GPM6A: variants seen among roughly 807,000 people sequenced by gnomAD.
GPM6A encodes glycoprotein M6A.
In GPM6A, 7 loss-of-function variants were observed where a neutral mutation model predicts 32.1. The observed-to-expected ratio is 0.22, with a 90% CI of 0.12 to 0.41. The LOEUF (loss-of-function observed/expected upper bound fraction) is 0.41, where lower values mean the gene tolerates loss of function less well. Among genes scored for constraint, GPM6A ranks in the 10% least tolerant of loss-of-function variants. The pLI, the probability that GPM6A is intolerant of heterozygous loss-of-function variation, is 1.00. For synonymous variants in GPM6A, 130 were observed against 123.4 expected (o/e 1.05, Z -0.35); for missense variants, 235 against 347.2 (o/e 0.68, Z 2.57).
At chr4:175,931,671 T>C (rs1219188254) in intron 1 of GPM6A, among the ~76,000 whole-genome samples, 1 of 136,592 alleles carries the variant, frequency 7.3e-6, no homozygotes, top group African/African-American at 2.9e-5. Context: ...TTAAAAAATA[T>C]ACACACACAC....
At chr4:175,670,261 T>A (rs1742980919) in intron 3 of GPM6A, among the ~76,000 whole-genome samples, 1 of 152,306 alleles carries the variant, frequency 6.6e-6, no homozygotes, top group East Asian at 1.9e-4. Context: ...TTCGAAAGTG[T>A]TGCATTTAAA....
chr4:175,872,451 TGTGG>T (rs1260430792), intron 1 of GPM6A, among the ~76,000 whole-genome samples: 1 of 152,204 alleles, frequency 6.6e-6, no homozygotes, highest in African/African-American at 2.4e-5. Flanking sequence ...ATTCCTATAA[TGTGG>T]GTATGATGAG....
At chr4:175,969,756 C>G (rs1190278266) in intron 1 of GPM6A, among the ~76,000 whole-genome samples, 2 of 152,106 alleles carry the variant, frequency 1.3e-5, no homozygotes, top group Non-Finnish European at 2.9e-5. Flanking sequence ...ATTGACTGAT[C>G]AGTTACAACA....
intron 1 of GPM6A, among the ~76,000 whole-genome samples, chr4:175,703,870 A>G (rs1745015384): frequency 6.6e-6 from 1 of 152,018 alleles, no homozygotes; most frequent in African/African-American, 2.4e-5. Context: ...AGATACACAC[A>G]CATATCCTCA....
intron 3 of GPM6A, among the ~76,000 whole-genome samples, chr4:175,663,272 G>A (rs1441136252): frequency 2.0e-5 from 3 of 152,140 alleles, no homozygotes; most frequent in Admixed American, 6.5e-5. Flanking sequence ...GCTAACTGCC[G>A]AAACTTGGAA....
chr4:175,956,756 A>G (rs1046521996), intron 1 of GPM6A, among the ~76,000 whole-genome samples: 17 of 152,218 alleles, frequency 1.1e-4, no homozygotes, highest in Non-Finnish European at 1.8e-4. Flanking sequence ...ATGTCCCTGA[A>G]CAATTTAATG....
intron 1 of GPM6A, among the ~76,000 whole-genome samples, chr4:175,877,563 C>A (rs983994399): frequency 5.3e-5 from 8 of 152,028 alleles, no homozygotes; most frequent in Non-Finnish European, 5.9e-5. Flanking sequence ...AGGGGAAGAC[C>A]CTTATGAAAC....
intron 1 of GPM6A, among the ~76,000 whole-genome samples, chr4:175,713,883 T>C (rs1745690175): frequency 6.6e-6 from 1 of 152,208 alleles, no homozygotes; most frequent in Admixed American, 6.5e-5. Context: ...TGTCTGATCT[T>C]CTAAGTTGCT....
intron 1 of GPM6A, among the ~76,000 whole-genome samples, chr4:175,821,081 G>T (rs1330771615): frequency 1.3e-5 from 2 of 152,134 alleles, no homozygotes; most frequent in Non-Finnish European, 2.9e-5. Context: ...GCCCTTCAAA[G>T]TGCTTGTGCC....
At chr4:175,924,371 C>T (rs1426713825) in intron 1 of GPM6A, among the ~76,000 whole-genome samples, 1 of 152,162 alleles carries the variant, frequency 6.6e-6, no homozygotes, top group African/African-American at 2.4e-5. Flanking sequence ...GCCATTCCGA[C>T]CACACATTGT....
At chr4:175,758,432 C>T (rs762713454) in intron 1 of GPM6A, among the ~76,000 whole-genome samples, 25 of 152,046 alleles carry the variant, frequency 1.6e-4, no homozygotes, top group Non-Finnish European at 2.5e-4. Flanking sequence ...TAAGTTTAGC[C>T]AGATTCAATT....
intron 1 of GPM6A, among the ~76,000 whole-genome samples, chr4:175,943,326 A>C (rs541497886): frequency 3.4e-4 from 51 of 152,162 alleles, no homozygotes; most frequent in Admixed American, 1.6e-3. Flanking sequence ...TCATCTGCAA[A>C]GAGACAATTT....
intron 1 of GPM6A, among the ~76,000 whole-genome samples, chr4:175,747,037 T>G (rs909470860): frequency 1.3e-5 from 2 of 152,058 alleles, no homozygotes; most frequent in South Asian, 4.1e-4. Flanking sequence ...TTTAGGAGGC[T>G]GAGGTGGGTG....
chr4:175,995,768 A>G (rs2126468609), intron 1 of GPM6A, among the ~76,000 whole-genome samples: 1 of 152,336 alleles, frequency 6.6e-6, no homozygotes, highest in Middle Eastern at 3.4e-3. Context: ...TTATTTTGTT[A>G]TTACTGTATA....
At chr4:175,861,015 C>T (rs1736558398) in intron 1 of GPM6A, among the ~76,000 whole-genome samples, 1 of 151,814 alleles carries the variant, frequency 6.6e-6, no homozygotes, top group Non-Finnish European at 1.5e-5. Flanking sequence ...AGAACAGCAC[C>T]AACTTTCTTC....
intron 1 of GPM6A, among the ~76,000 whole-genome samples, chr4:175,721,146 C>CT (rs1318545565): frequency 9.9e-5 from 8 of 80,622 alleles, no homozygotes; most frequent in Non-Finnish European, 1.8e-4. Flanking sequence ...TATATATATT[C>CT]TAATATATAT....
chr4:175,836,979 G>C (rs925879089), intron 1 of GPM6A, among the ~76,000 whole-genome samples: 17 of 152,180 alleles, frequency 1.1e-4, no homozygotes, highest in African/African-American at 3.9e-4. Flanking sequence ...GAGGGATTTT[G>C]TAGATGTGAT....
chr4:175,765,216 A>G (rs1159669771), intron 1 of GPM6A, among the ~76,000 whole-genome samples: 3 of 151,880 alleles, frequency 2.0e-5, no homozygotes, highest in African/African-American at 7.3e-5. Context: ...CTCCCTACCA[A>G]TGTAAAGTCC....
At chr4:175,811,606 T>C (rs1364774016) in intron 1 of GPM6A, among the ~76,000 whole-genome samples, 2 of 152,190 alleles carry the variant, frequency 1.3e-5, no homozygotes, top group Non-Finnish European at 2.9e-5. Context: ...CAGTCAACTA[T>C]ATAGAAAGGA....
Sources: allele counts gnomAD v4.1 joint callset (sites outside exome capture counted in the v4.1 genomes callset), GRCh38; gene constraint gnomAD v4.1.1; transcripts MANE v1.5; gene names NCBI Gene and HGNC (gene_info 2026-07-23, HGNC 2026-07-21).